HTR1F: variants seen among roughly 807,000 people sequenced by gnomAD.
HTR1F encodes 5-hydroxytryptamine receptor 1F.
A neutral mutation model predicts 24.0 loss-of-function variants in HTR1F; 17 were observed. The observed-to-expected ratio is 0.71, with a 90% CI of 0.48 to 1.06. The LOEUF is 1.06. HTR1F is among the 50% of genes least tolerant of loss of function. The pLI, the probability that HTR1F is intolerant of heterozygous loss-of-function variation, is 0.00. For synonymous variants in HTR1F, 186 were observed against 156.8 expected, an observed-to-expected ratio of 1.19 and a Z score of -1.39; for missense variants, 391 against 427.8, an observed-to-expected ratio of 0.91 and a Z score of 0.76.
At chr3:87,974,494 A>G (rs1264648367) in intron 2 of HTR1F, among the ~76,000 whole-genome samples, 1 of 152,056 alleles carries the variant, frequency 6.6e-6, no homozygotes, top group Non-Finnish European at 1.5e-5. Flanking sequence ...CTATATTTTT[A>G]TCAACAAATA....
At chr3:87,820,595 GAAT>G (rs1373835627) in intron 1 of HTR1F, among the ~76,000 whole-genome samples, 2 of 152,036 alleles carry the variant, frequency 1.3e-5, no homozygotes, top group Non-Finnish European at 2.9e-5. Flanking sequence ...AAAAGTTTTA[GAAT>G]AATTATTCAA....
At chr3:87,809,780 G>C (rs143503746) in intron 1 of HTR1F, among the ~76,000 whole-genome samples, 1 of 151,920 alleles carries the variant, frequency 6.6e-6, no homozygotes, top group African/African-American at 2.4e-5. Flanking sequence ...ATGATTGTCC[G>C]ATCTTTCTAT....
At chr3:87,946,510 A>T (rs897608614) in intron 2 of HTR1F, among the ~76,000 whole-genome samples, 9 of 149,614 alleles carry the variant, frequency 6.0e-5, no homozygotes, top group Non-Finnish European at 1.2e-4. Flanking sequence ...AATTTTTCTA[A>T]CTTTTCTAAA....
At chr3:87,820,156 T>C (rs965852981) in intron 1 of HTR1F, among the ~76,000 whole-genome samples, 5 of 151,682 alleles carry the variant, frequency 3.3e-5, no homozygotes, top group African/African-American at 1.2e-4. Flanking sequence ...AATAACTTGG[T>C]TTCCTGGAAT....
intron 1 of HTR1F, among the ~76,000 whole-genome samples, chr3:87,820,745 C>T (rs1052771945): frequency 1.3e-5 from 2 of 151,710 alleles, no homozygotes; most frequent in Non-Finnish European, 2.9e-5. Context: ...TTAGCATTAC[C>T]AGTTTTCTTT....
chr3:87,849,798 G>C (rs1705039232), intron 2 of HTR1F, among the ~76,000 whole-genome samples: 1 of 151,912 alleles, frequency 6.6e-6, no homozygotes, highest in Admixed American at 6.6e-5. Flanking sequence ...GTGGGCGAAA[G>C]ATATGAACAG....
intron 2 of HTR1F, among the ~76,000 whole-genome samples, chr3:87,951,143 C>T (rs561224018): frequency 1.3e-5 from 2 of 152,222 alleles, no homozygotes; most frequent in Middle Eastern, 6.8e-3. Context: ...CACTCCAATA[C>T]TGCTAAGTGC....
intron 1 of HTR1F, among the ~76,000 whole-genome samples, chr3:87,798,258 G>C (rs183151469): frequency 3.2e-4 from 49 of 152,078 alleles, no homozygotes; most frequent in Admixed American, 9.2e-4. Flanking sequence ...TCTCAAGAAT[G>C]AATCTCCCTC....
chr3:87,849,077 T>C (rs1705016186), intron 2 of HTR1F, among the ~76,000 whole-genome samples: 1 of 151,448 alleles, frequency 6.6e-6, no homozygotes, highest in Admixed American at 6.6e-5. Flanking sequence ...AAGCTACCAA[T>C]GACTTTCTTC....
intron 2 of HTR1F, among the ~76,000 whole-genome samples, chr3:87,874,964 A>G (rs1705637147): frequency 6.6e-6 from 1 of 152,224 alleles, no homozygotes; most frequent in African/African-American, 2.4e-5. Context: ...CTTACTTTAC[A>G]CCATATACAA....
intron 2 of HTR1F, among the ~76,000 whole-genome samples, chr3:87,926,238 C>T (rs1280635772): frequency 6.6e-6 from 1 of 152,176 alleles, no homozygotes; most frequent in Non-Finnish European, 1.5e-5. Context: ...AAAACACTCA[C>T]TGCAGTTCAT....
intron 2 of HTR1F, among the ~76,000 whole-genome samples, chr3:87,831,463 C>G (rs1325024295): frequency 6.6e-6 from 1 of 151,592 alleles, no homozygotes; most frequent in Non-Finnish European, 1.5e-5. Context: ...CCCGGCTTCA[C>G]GCCATTCTCC....
At chr3:87,889,849 A>C (rs1475665848) in intron 2 of HTR1F, among the ~76,000 whole-genome samples, 1 of 152,240 alleles carries the variant, frequency 6.6e-6, no homozygotes, top group Non-Finnish European at 1.5e-5. Flanking sequence ...TCATTTAGAC[A>C]TGATAGCTTT....
chr3:87,978,054 A>C (rs1044844209), intron 2 of HTR1F, among the ~76,000 whole-genome samples: 5 of 152,212 alleles, frequency 3.3e-5, no homozygotes, highest in Non-Finnish European at 7.3e-5. Flanking sequence ...CAGCCAGGCA[A>C]GCTGGCAGCT....
At chr3:87,880,308 T>C (rs1247274897) in intron 2 of HTR1F, among the ~76,000 whole-genome samples, 2 of 152,202 alleles carry the variant, frequency 1.3e-5, no homozygotes, top group East Asian at 3.8e-4. Flanking sequence ...TAAATGGATG[T>C]AATTCATTGT....
intron 1 of HTR1F, among the ~76,000 whole-genome samples, chr3:87,797,201 T>C (rs1174966639): frequency 6.6e-6 from 1 of 152,178 alleles, no homozygotes; most frequent in African/African-American, 2.4e-5. Context: ...CATAGGTATG[T>C]ATGGATAGGG....
chr3:87,983,999 C>A (rs1046897808), intron 2 of HTR1F, among the ~76,000 whole-genome samples: 38 of 152,226 alleles, frequency 2.5e-4, no homozygotes, highest in Non-Finnish European at 2.8e-4. Context: ...TGACTGCCTA[C>A]AAAATAAAAC....
At chr3:87,883,231 T>A (rs758866930) in intron 2 of HTR1F, among the ~76,000 whole-genome samples, 2 of 152,188 alleles carry the variant, frequency 1.3e-5, no homozygotes, top group Non-Finnish European at 2.9e-5. Flanking sequence ...CTGAGCGACC[T>A]GACTGTTGAA....
intron 2 of HTR1F, among the ~76,000 whole-genome samples, chr3:87,987,828 TAA>T (rs1705707435): frequency 6.9e-6 from 1 of 144,698 alleles, no homozygotes; most frequent in Non-Finnish European, 1.5e-5. Flanking sequence ...TATATATATA[TAA>T]AATATATGTA....
Sources: allele counts gnomAD v4.1 joint callset (sites outside exome capture counted in the v4.1 genomes callset), GRCh38; gene constraint gnomAD v4.1.1; transcripts MANE v1.5; gene names NCBI Gene and HGNC (gene_info 2026-07-23, HGNC 2026-07-21).